Variants in HDAC9 observed in about 807,000 individuals in gnomAD.
The protein encoded by HDAC9 is MEF-2 interacting transcription repressor (MITR) protein.
Under a neutral mutation model 139.4 loss-of-function variants are expected in HDAC9, and 41 were observed. The ratio of observed to expected loss-of-function variants is 0.29; its 90% CI spans 0.23 to 0.38. The LOEUF is 0.38. Among genes scored for constraint, HDAC9 ranks in the 10% least tolerant of loss-of-function variants. The pLI, the probability that HDAC9 is intolerant of heterozygous loss-of-function variation, is 1.00. For missense variants in HDAC9, 1,147 were observed against 1,297.0 expected, an observed-to-expected ratio of 0.88 and a Z score of 1.78; for synonymous variants, 517 against 476.2, an observed-to-expected ratio of 1.09 and a Z score of -1.12.
At chr7:18,733,092 C>A (rs1237504725) in intron 13 of HDAC9, among the ~76,000 whole-genome samples, 2 of 142,622 alleles carry the variant, frequency 1.4e-5, no homozygotes, top group African/African-American at 5.2e-5. Context: ...CACATATATA[C>A]ATGTGTATAT....
At chr7:18,688,775 C>T (rs950314819) in intron 12 of HDAC9, among the ~76,000 whole-genome samples, 1 of 151,754 alleles carries the variant, frequency 6.6e-6, no homozygotes, top group Non-Finnish European at 1.5e-5. Flanking sequence ...TGGAGCAGGG[C>T]AGAGGTCACT....
intron 2 of HDAC9, among the ~76,000 whole-genome samples, chr7:18,202,010 C>T (rs1010181683): frequency 1.3e-5 from 2 of 152,176 alleles, no homozygotes; most frequent in Non-Finnish European, 2.9e-5. Context: ...CCATTGTTCT[C>T]ACATTTTTAA....
chr7:18,533,722 C>T (rs1326092896), intron 2 of HDAC9, among the ~76,000 whole-genome samples: 2 of 151,998 alleles, frequency 1.3e-5, no homozygotes, highest in African/African-American at 2.4e-5. Context: ...GATACTCACT[C>T]GAATTATTTT....
At chr7:18,207,706 A>G (rs1174320508) in intron 2 of HDAC9, among the ~76,000 whole-genome samples, 1 of 151,498 alleles carries the variant, frequency 6.6e-6, no homozygotes, top group East Asian at 1.9e-4. Flanking sequence ...TTATTATTAG[A>G]TTTATTTATT....
At chr7:18,112,955 A>G (rs1783724832) in intron 1 of HDAC9, among the ~76,000 whole-genome samples, 1 of 152,168 alleles carries the variant, frequency 6.6e-6, no homozygotes, top group Non-Finnish European at 1.5e-5. Context: ...GAAAGTGAGC[A>G]GCCAGTAGAG....
chr7:18,212,009 C>A (rs762324681), intron 2 of HDAC9, among the ~76,000 whole-genome samples: 34 of 152,096 alleles, frequency 2.2e-4, no homozygotes, highest in Non-Finnish European at 4.4e-4. Flanking sequence ...GATTTGTTCA[C>A]GTTGCTCAGT....
At chr7:18,226,763 C>T (rs922394607) in intron 2 of HDAC9, among the ~76,000 whole-genome samples, 9 of 152,142 alleles carry the variant, frequency 5.9e-5, no homozygotes, top group Non-Finnish European at 8.8e-5. Flanking sequence ...TCAGCATGGC[C>T]GGTTACAGCC....
intron 2 of HDAC9, among the ~76,000 whole-genome samples, chr7:18,284,818 C>G (rs1043694749): frequency 2.6e-5 from 4 of 152,110 alleles, no homozygotes; most frequent in Non-Finnish European, 4.4e-5. Flanking sequence ...AACACTCACT[C>G]TTACTGTTGT....
intron 12 of HDAC9, among the ~76,000 whole-genome samples, chr7:18,679,452 ACTTTCT>A (rs2129089022): frequency 6.6e-6 from 1 of 151,756 alleles, no homozygotes; most frequent in African/African-American, 2.4e-5. Context: ...AAAGAATTAG[ACTTTCT>A]CTTTCTTCCT....
At chr7:18,374,189 A>C (rs985289891) in intron 1 of HDAC9, among the ~76,000 whole-genome samples, 16 of 146,300 alleles carry the variant, frequency 1.1e-4, no homozygotes, top group Admixed American at 1.1e-3. Context: ...TCTAGTGTGT[A>C]TGTATGTGTG....
intron 11 of HDAC9, among the ~76,000 whole-genome samples, chr7:18,659,881 A>T (rs903379977): frequency 6.6e-6 from 1 of 152,108 alleles, no homozygotes; most frequent in African/African-American, 2.4e-5. Context: ...TTGCTAGGGG[A>T]TCACCTCCAG....
chr7:18,125,784 C>G (rs1784628302), intron 1 of HDAC9, among the ~76,000 whole-genome samples: 2 of 152,074 alleles, frequency 1.3e-5, no homozygotes, highest in South Asian at 4.2e-4. Context: ...AACACTTTAG[C>G]TATGGACAAC....
chr7:18,938,455 CG>C (rs1009562892), intron 23 of HDAC9, among the ~76,000 whole-genome samples: 3 of 151,496 alleles, frequency 2.0e-5, no homozygotes. Flanking sequence ...ATTAGCGGGG[CG>C]TGTTGGCAGG....
intron 25 of HDAC9, among the ~76,000 whole-genome samples, chr7:18,988,636 T>C (rs1255501859): frequency 2.0e-5 from 3 of 152,156 alleles, no homozygotes; most frequent in African/African-American, 4.8e-5. Context: ...TTCTGTCTCA[T>C]TGATCTGTCT....
intron 1 of HDAC9, among the ~76,000 whole-genome samples, chr7:18,335,912 A>G (rs1781550894): frequency 6.6e-6 from 1 of 151,648 alleles, no homozygotes; most frequent in South Asian, 2.1e-4. Flanking sequence ...GTATATTTCA[A>G]GAAGTACTTC....
chr7:18,239,656 A>T (rs1247094534), intron 2 of HDAC9, among the ~76,000 whole-genome samples: 1 of 152,178 alleles, frequency 6.6e-6, no homozygotes, highest in East Asian at 1.9e-4. Context: ...ATTTCAGATG[A>T]CATGAAAGAG....
intron 25 of HDAC9, among the ~76,000 whole-genome samples, chr7:18,993,989 A>G (rs1786239252): frequency 6.6e-6 from 1 of 152,196 alleles, no homozygotes; most frequent in Admixed American, 6.5e-5. Flanking sequence ...TTGTACCTGC[A>G]AGTTGCCCTG....
At chr7:18,477,337 C>G (rs1290719467) in intron 1 of HDAC9, among the ~76,000 whole-genome samples, 2 of 152,098 alleles carry the variant, frequency 1.3e-5, no homozygotes, top group African/African-American at 4.8e-5. Context: ...ACAGTTTAAT[C>G]CAGCGTGTCT....
chr7:18,114,405 A>T (rs968636500), intron 1 of HDAC9, among the ~76,000 whole-genome samples: 2 of 152,216 alleles, frequency 1.3e-5, no homozygotes, highest in African/African-American at 2.4e-5. Context: ...GACTGTTGTT[A>T]GCCAATTAGT....
Sources: gnomAD v4.1 joint callset for allele counts (sites outside exome capture counted in the v4.1 genomes callset) on GRCh38, gnomAD v4.1.1 for gene constraint, MANE v1.5 for transcripts, NCBI Gene and HGNC (gene_info 2026-07-23, HGNC 2026-07-21) for gene names.